The following RIN2 variants were observed in gnomAD, a reference collection of about 807,000 sequenced individuals.
The protein encoded by RIN2 is Ras and Rab interactor 2, also known as RAB5 interacting protein 2.
Under a neutral mutation model 78.0 loss-of-function variants are expected in RIN2, and 36 were observed. The observed-to-expected ratio is 0.46, with a 90% confidence interval of 0.35 to 0.61. The LOEUF is 0.61. Ranked by LOEUF, RIN2 falls within the 20% of genes least tolerant of loss-of-function variation. RIN2 has a pLI of 0.00. For missense variants in RIN2, 1,087 were observed against 1,159.7 expected (o/e 0.94, Z 0.91); for synonymous variants, 466 against 466.8 (o/e 1.00, Z 0.02).
rs540650855 is a variant in RIN2, at chr20:19,833,493, T to C, written c.-37+33746T>C. Among the ~76,000 whole-genome samples, 435 of 152,332 alleles carry C rather than the reference T, an allele frequency of 2.9e-3. 1 individual carries two copies. Among genetic ancestry groups the C allele is most frequent in the Non-Finnish European group, 5.1e-3 (349 of 68,034 alleles). ...AAAACCTATATTTTTTAAAAGCCAG[T>C]TAAGTACAAATGTCCCTTGGTGTTC... On this transcript the variant is annotated intron_variant, in intron 2 of 12. Transcript: ENST00000255006.
chr20:19,916,491 C>A (rs1201076671), intron 3 of RIN2, among the ~76,000 whole-genome samples: 5 of 152,170 alleles, frequency 3.3e-5, no homozygotes, highest in Admixed American at 6.5e-5. Flanking sequence ...TGGTGGCACA[C>A]ACCTCTGGTT....
chr20:19,770,876 C>G (rs530272931), intron 1 of RIN2, among the ~76,000 whole-genome samples: 9 of 56,590 alleles, frequency 1.6e-4, no homozygotes, highest in African/African-American at 1.0e-3. Context: ...TGCCCCCACC[C>G]CCCCCCCCCA....
chr20:19,835,479 A>G (rs1185341218), intron 2 of RIN2, among the ~76,000 whole-genome samples: 2 of 152,234 alleles, frequency 1.3e-5, no homozygotes, highest in African/African-American at 4.8e-5. Context: ...GATCAGATAA[A>G]AAAGGACATA....
Position 19,876,830 on chromosome 20 carries a change from A to C in RIN2, c.-36-12736A>C, listed in dbSNP as rs1335872489. 6.6e-5 allele frequency among the ~76,000 whole-genome samples: 10 copies of C among 150,572 alleles called. 1 individual carries two copies. ...TGAGGCAGGAGAATCGCTTGAACCC[A>C]GCGGGGCGGAGGTTGCAGTGAGCTG... On this transcript the variant is annotated intron_variant, in intron 2 of 12. Coordinates refer to ENST00000255006, the MANE Select transcript of RIN2 (RefSeq NM_018993.4).
At chr20:19,997,399 C>CT (rs2043003591) in intron 12 of RIN2, among the ~76,000 whole-genome samples, 3 of 152,158 alleles carry the variant, frequency 2.0e-5, no homozygotes, top group African/African-American at 7.2e-5. Flanking sequence ...TGAGCTGCTG[C>CT]TTGGGAATGT....
intron 2 of RIN2, among the ~76,000 whole-genome samples, chr20:19,874,095 T>TGTGC (rs2037782580): frequency 6.6e-6 from 1 of 151,736 alleles, no homozygotes; most frequent in Non-Finnish European, 1.5e-5. Flanking sequence ...TTTGTGTGTG[T>TGTGC]TGGTTATTTC....
chr20:19,816,501 G>A (rs1425333535), intron 2 of RIN2, among the ~76,000 whole-genome samples: 1 of 152,204 alleles, frequency 6.6e-6, no homozygotes, highest in African/African-American at 2.4e-5. Context: ...GCCAAACAAG[G>A]TGTCAGAAGA....
chr20:19,760,543 G>T (rs1395662491), intron 1 of RIN2, among the ~76,000 whole-genome samples: 1 of 152,114 alleles, frequency 6.6e-6, no homozygotes, highest in Non-Finnish European at 1.5e-5. Flanking sequence ...AAAGTCAAGG[G>T]TCACTACCCA....
chr20:19,904,294 A>C (rs1295233504), intron 3 of RIN2, among the ~76,000 whole-genome samples: 1 of 150,026 alleles, frequency 6.7e-6, no homozygotes, highest in Non-Finnish European at 1.5e-5. Context: ...GATGAATAAA[A>C]AAATGTGTAG....
At chr20:19,969,778 A>T (rs1049283184) in intron 7 of RIN2, among the ~76,000 whole-genome samples, 2 of 152,156 alleles carry the variant, frequency 1.3e-5, no homozygotes, top group Non-Finnish European at 2.9e-5. Context: ...AAACAAACAA[A>T]CAAACAAACC....
intron 10 of RIN2, among the ~76,000 whole-genome samples, chr20:19,991,006 C>A (rs73901369): frequency 0.021 from 3,133 of 152,178 alleles, 122 homozygotes; most frequent in African/African-American, 0.071. Context: ...ACCATGAATC[C>A]TGGATAGTAA....
At position 19,990,008 on chromosome 20, in the gene RIN2, G is replaced by C. The variant is rs771344490; in HGVS notation, c.1765G>C (p.Val589Leu). 13 of 1,550,846 alleles carry C rather than the reference G, an allele frequency of 8.4e-6. No homozygotes were observed. Among genetic ancestry groups the C allele is most frequent in the Non-Finnish European group, 8.7e-6 (10 of 1,149,772 alleles). Residue 589 changes from valine (V) to leucine (L), a missense_variant and splice_region_variant, in exon 10 of 13, where the codon GTG (valine) becomes CTG (leucine). Transcript: ENST00000255006. ...AGTAGCTACACTTTCTTTGGCAGAT[G>C]TGGTGCTGGAAAAAGCCATGCACAA... ...ESLIPEDQID[V>L]VLEKAMHKCI...
At position 19,854,644 on chromosome 20, in the gene RIN2, A is replaced by T. The variant is rs139259728; in HGVS notation, c.-36-34922A>T. Among the ~76,000 whole-genome samples the T allele has an allele frequency of 3.6e-3, 548 of 152,244 alleles. 6 individuals carry two copies. The highest frequency in any genetic ancestry group is 0.013 in the African/African-American group (520 of 41,548). On this transcript the variant is annotated intron_variant, in intron 2 of 12. Transcript: ENST00000255006. ...GGTATTTTGTTCTCTTTGAAGCAAT[A>T]GTGAATGGTAGTTCACTCATGATTT...
intron 11 of RIN2, 119 bp from the exon 12 acceptor site, chr20:19,996,559 GA>G (rs1483264657): frequency 1.1e-5 from 11 of 978,954 alleles, no homozygotes; most frequent in Non-Finnish European, 1.4e-5. Context: ...ATCCCACAAG[GA>G]AATGCATGTT....
chr20:19,777,314 G>A (rs764562102), intron 1 of RIN2, among the ~76,000 whole-genome samples: 24 of 152,220 alleles, frequency 1.6e-4, no homozygotes, highest in Non-Finnish European at 2.9e-4. Flanking sequence ...ATGCTCATCT[G>A]CCCCACTGGG....
rs1419428126 is a variant in RIN2, at chr20:19,960,717, A to G, written c.369A>G (p.Lys123=). The G allele has an allele frequency of 1.3e-6, 2 of 1,599,186 alleles. No individual in the cohort carries two copies. Among genetic ancestry groups the G allele is most frequent in the Non-Finnish European group, 8.5e-7 (1 of 1,172,736 alleles). The change falls in exon 6 of 13, where the codon AAA becomes AAG. Residue 123 remains lysine, a synonymous_variant. Coordinates refer to ENST00000255006, the MANE Select transcript of RIN2 (RefSeq NM_018993.4). Reference sequence around the variant, plus strand: ...TCCACTAGATCTTCCTGGTTCATAAATCTACCAAGATGCAGAAGAAAGTCC... The same window carrying G: ...TCCACTAGATCTTCCTGGTTCATAAGTCTACCAAGATGCAGAAGAAAGTCC... The part of the protein sequence containing the change: ...AQPPGIFLVH[K]STKMQKKVLS...
chr20:19,845,814 C>T (rs6046365), intron 2 of RIN2, among the ~76,000 whole-genome samples: 1 of 152,106 alleles, frequency 6.6e-6, no homozygotes, highest in African/African-American at 2.4e-5. Flanking sequence ...TGCCTATGTC[C>T]TGAATTGTAT....
intron 2 of RIN2, among the ~76,000 whole-genome samples, chr20:19,809,965 G>A (rs2035535796): frequency 6.6e-6 from 1 of 152,126 alleles, no homozygotes. Context: ...TGCGACCACT[G>A]AGATAGAACT....
intron 3 of RIN2, among the ~76,000 whole-genome samples, chr20:19,926,780 C>T (rs1665223798): frequency 6.6e-6 from 1 of 152,248 alleles, no homozygotes; most frequent in African/African-American, 2.4e-5. Flanking sequence ...ATCAGCAACA[C>T]ATCCCTTTTC....
Sources: allele counts gnomAD v4.1 joint callset (sites outside exome capture counted in the v4.1 genomes callset), GRCh38; gene constraint gnomAD v4.1.1; transcripts MANE v1.5; gene names NCBI Gene and HGNC (gene_info 2026-07-23, HGNC 2026-07-21).